Variants in PTPRE observed in about 807,000 individuals in gnomAD.
The protein encoded by PTPRE is protein tyrosine phosphatase receptor type E, also known as receptor-type tyrosine-protein phosphatase epsilon.
Under a neutral mutation model 102.0 loss-of-function variants are expected in PTPRE, and 51 were observed. The observed-to-expected ratio is 0.50, with a 90% CI of 0.40 to 0.63. The LOEUF is 0.63. Ranked by LOEUF, PTPRE falls within the 30% of genes least tolerant of loss-of-function variation. The probability of loss-of-function intolerance (pLI) is 0.00; values close to 1 mark genes in which losing one functional copy is unlikely to be tolerated. For synonymous variants in PTPRE, 345 were observed against 348.2 expected, an observed-to-expected ratio of 0.99 and a Z score of 0.10; for missense variants, 752 against 915.1, an observed-to-expected ratio of 0.82 and a Z score of 2.30.
chr10:128,060,353 G>T (rs1241514882), intron 7 of PTPRE, among the ~76,000 whole-genome samples: 1 of 152,140 alleles, frequency 6.6e-6, no homozygotes, highest in Non-Finnish European at 1.5e-5. Context: ...TTGTGCAACA[G>T]GCTGGATCTA....
chr10:128,005,473 T>C (rs1854435964), intron 2 of PTPRE, among the ~76,000 whole-genome samples: 1 of 152,244 alleles, frequency 6.6e-6, no homozygotes, highest in Non-Finnish European at 1.5e-5. Flanking sequence ...ATAGTCTGTC[T>C]TCCCCATCTT....
chr10:127,982,406 A>G (rs1302299113), intron 2 of PTPRE, 110 bp downstream of exon 2: 4 of 763,138 alleles, frequency 5.2e-6, no homozygotes, highest in Non-Finnish European at 7.3e-6. Flanking sequence ...AAAGAAAGCC[A>G]TATGGTCAGT....
At chr10:127,981,733 G>T (rs747861445) in intron 1 of PTPRE, among the ~76,000 whole-genome samples, 1 of 151,842 alleles carries the variant, frequency 6.6e-6, no homozygotes, top group Non-Finnish European at 1.5e-5. Flanking sequence ...CAGGAGAATC[G>T]CTTGAACTGG....
chr10:128,010,752 C>T (rs1249712341), intron 2 of PTPRE, among the ~76,000 whole-genome samples: 1 of 151,850 alleles, frequency 6.6e-6, no homozygotes, highest in Non-Finnish European at 1.5e-5. Context: ...CGGACACGCC[C>T]GGCTAATTTT....
At chr10:128,055,781 T>G (rs1848909799) in intron 6 of PTPRE, among the ~76,000 whole-genome samples, 1 of 152,188 alleles carries the variant, frequency 6.6e-6, no homozygotes. Flanking sequence ...TACCAAATCA[T>G]AGGCACCTGC....
At chr10:127,909,035 T>C (rs1488103199) in intron 1 of PTPRE, among the ~76,000 whole-genome samples, 1 of 152,164 alleles carries the variant, frequency 6.6e-6, no homozygotes, top group African/African-American at 2.4e-5. Flanking sequence ...GTGAGGACAA[T>C]GCGGAAAGTC....
intron 1 of PTPRE, among the ~76,000 whole-genome samples, chr10:127,920,807 C>T (rs61193459): frequency 0.019 from 2,943 of 152,352 alleles, 90 homozygotes; most frequent in African/African-American, 0.067. Flanking sequence ...ACTGGATCCA[C>T]ATGGCCAGAT....
At chr10:127,945,133 A>G (rs1317611752) in intron 1 of PTPRE, among the ~76,000 whole-genome samples, 1 of 152,182 alleles carries the variant, frequency 6.6e-6, no homozygotes, top group African/African-American at 2.4e-5. Context: ...CTTCCCCTGC[A>G]CATCCAGAGC....
intron 1 of PTPRE, among the ~76,000 whole-genome samples, chr10:127,936,927 C>T (rs1564810221): frequency 6.6e-6 from 1 of 152,122 alleles, no homozygotes; most frequent in Non-Finnish European, 1.5e-5. Context: ...CTGTTGCTCT[C>T]TAAAGGGCCT....
chr10:128,025,474 T>C (rs948980903), intron 2 of PTPRE, among the ~76,000 whole-genome samples: 2 of 152,210 alleles, frequency 1.3e-5, no homozygotes, highest in African/African-American at 4.8e-5. Flanking sequence ...ATAGATTTTA[T>C]TGCCCCACTT....
At chr10:127,912,895 G>A (rs1035595293) in intron 1 of PTPRE, among the ~76,000 whole-genome samples, 9 of 152,346 alleles carry the variant, frequency 5.9e-5, no homozygotes, top group Admixed American at 2.0e-4. Flanking sequence ...GCCAAGTGGC[G>A]GAGGCCTTCC....
At chr10:127,937,524 G>T (rs758058559) in intron 1 of PTPRE, among the ~76,000 whole-genome samples, 28 of 152,206 alleles carry the variant, frequency 1.8e-4, no homozygotes, top group Non-Finnish European at 3.5e-4. Context: ...CAATATCTCG[G>T]TAGAGAAAAG....
intron 1 of PTPRE, among the ~76,000 whole-genome samples, chr10:127,916,396 G>T (rs1002064188): frequency 1.3e-5 from 2 of 152,140 alleles, no homozygotes; most frequent in Non-Finnish European, 2.9e-5. Flanking sequence ...TTGTGAAGAA[G>T]GTGCCTTGCT....
intron 19 of PTPRE, among the ~76,000 whole-genome samples, chr10:128,078,831 C>A (rs1300135705): frequency 1.3e-5 from 2 of 152,218 alleles, no homozygotes; most frequent in Non-Finnish European, 2.9e-5. Flanking sequence ...ATCATTGCGG[C>A]AGGACAGGAG....
At chr10:127,996,512 TC>T (rs1853281306) in intron 2 of PTPRE, among the ~76,000 whole-genome samples, 1 of 152,188 alleles carries the variant, frequency 6.6e-6, no homozygotes, top group Non-Finnish European at 1.5e-5. Flanking sequence ...AACCTGAGAC[TC>T]CCCTTCAGAA....
chr10:127,998,651 G>T (rs1257165334), intron 2 of PTPRE: 4 of 152,138 alleles, frequency 2.6e-5, no homozygotes, highest in Admixed American at 6.5e-5. Flanking sequence ...CCATCCTCCC[G>T]ACATGACGTG....
At chr10:127,953,645 G>A (rs1035692573) in intron 1 of PTPRE, among the ~76,000 whole-genome samples, 2 of 152,222 alleles carry the variant, frequency 1.3e-5, no homozygotes, top group Non-Finnish European at 2.9e-5. Flanking sequence ...CTGCTATGCT[G>A]CCTTCTCTCT....
chr10:127,966,724 C>T (rs1459193354), intron 1 of PTPRE, among the ~76,000 whole-genome samples: 2 of 152,138 alleles, frequency 1.3e-5, no homozygotes, highest in Non-Finnish European at 2.9e-5. Flanking sequence ...GGTAACTGCC[C>T]AGGCTGCTCT....
At chr10:128,000,170 G>A (rs1034612769) in intron 2 of PTPRE, among the ~76,000 whole-genome samples, 1 of 152,150 alleles carries the variant, frequency 6.6e-6, no homozygotes, top group Non-Finnish European at 1.5e-5. Context: ...TTTCTAAAAT[G>A]TAACATCCAT....
Sources: allele counts gnomAD v4.1 joint callset (sites outside exome capture counted in the v4.1 genomes callset), GRCh38; gene constraint gnomAD v4.1.1; transcripts MANE v1.5; gene names NCBI Gene and HGNC (gene_info 2026-07-23, HGNC 2026-07-21).